NUDT7: variants seen among roughly 807,000 people sequenced by gnomAD.
The protein encoded by NUDT7 is nudix hydrolase 7, also known as peroxisomal coenzyme A diphosphatase NUDT7.
In NUDT7, 19 loss-of-function variants were observed where a neutral mutation model predicts 13.1. The observed-to-expected ratio is 1.45, with a 90% CI of 1.01 to 2.13. NUDT7 has a LOEUF of 2.13. Ranked by LOEUF, NUDT7 falls within the 30% of genes most tolerant of loss-of-function variation. NUDT7 has a pLI of 0.00. For synonymous variants in NUDT7, 132 were observed against 109.7 expected (o/e 1.20, Z -1.27); for missense variants, 360 against 291.7 (o/e 1.23, Z -1.71).
chr16:77,739,338 A>C lies in NUDT7; in HGVS notation c.349-2244A>C, dbSNP rs2014586825. On this transcript the variant is annotated intron_variant, in intron 3 of 3. Coordinates refer to ENST00000268533, the MANE Select transcript of NUDT7 (RefSeq NM_001105663.3). Reference sequence around the variant, plus strand: ...ATGCTAAACAAGGGGTGGGTTATTCATGAGTTTTCCAGGAAAGGGATGGGC... The same window carrying C: ...ATGCTAAACAAGGGGTGGGTTATTCCTGAGTTTTCCAGGAAAGGGATGGGC... Among the ~76,000 whole-genome samples the C allele has an allele frequency of 1.3e-5, 2 of 152,208 alleles. 1 individual carries two copies. Among genetic ancestry groups the C allele is most frequent in the Non-Finnish European group, 2.9e-5 (2 of 68,036 alleles).
chr16:77,741,927 A>T lies in NUDT7; in HGVS notation c.694A>T (p.Lys232Ter). ...SSEELFLKVH[K>*]KATSRL Reference sequence around the variant, plus strand: ...TGAAGAGTTATTCCTGAAGGTTCATAAAAAAGCTACAAGCAGGTTATGATT... The same window carrying T: ...TGAAGAGTTATTCCTGAAGGTTCATTAAAAAGCTACAAGCAGGTTATGATT... The change falls in exon 4 of 4, where the codon AAA becomes TAA. Residue 232 changes from lysine to a stop codon, truncating the protein, a stop_gained. Coordinates refer to ENST00000268533, the MANE Select transcript of NUDT7 (RefSeq NM_001105663.3). LOFTEE classifies it high-confidence loss of function. 6.2e-7 allele frequency: 1 copy of T among 1,603,748 alleles called. No individual in the cohort carries two copies. Among genetic ancestry groups the T allele is most frequent in the South Asian group, 1.1e-5 (1 of 89,420 alleles).
intron 3 of NUDT7, 34 bp downstream of exon 3, chr16:77,736,020 C>A: frequency 1.3e-6 from 2 of 1,599,476 alleles, no homozygotes; most frequent in Non-Finnish European, 1.7e-6. Flanking sequence ...TGAGCACCGT[C>A]CCCACCCCCA....
At chr16:77,731,047 G>C (rs2014303724) in intron 2 of NUDT7, among the ~76,000 whole-genome samples, 1 of 151,908 alleles carries the variant, frequency 6.6e-6, no homozygotes, top group African/African-American at 2.4e-5. Context: ...TCATTCTGTT[G>C]AGTGTTTCCT....
chr16:77,736,011 G>A (rs770305631), intron 3 of NUDT7, 25 bp downstream of exon 3: 8 of 1,610,942 alleles, frequency 5.0e-6, no homozygotes, highest in Admixed American at 1.7e-5. Context: ...AGACACTCAT[G>A]AGCACCGTCC....
chr16:77,727,462 G>C (rs2145106413), intron 2 of NUDT7, among the ~76,000 whole-genome samples: 1 of 152,328 alleles, frequency 6.6e-6, no homozygotes, highest in East Asian at 1.9e-4. Flanking sequence ...TAGAAATCCA[G>C]GTTCCAGGGG....
chr16:77,732,234 A>G (rs2014340215), intron 2 of NUDT7, among the ~76,000 whole-genome samples: 1 of 152,086 alleles, frequency 6.6e-6, no homozygotes, highest in African/African-American at 2.4e-5. Context: ...AGGCTGAGGC[A>G]GGAGAATCAC....
At chr16:77,734,419 C>G (rs970493275) in intron 2 of NUDT7, among the ~76,000 whole-genome samples, 1 of 152,044 alleles carries the variant, frequency 6.6e-6, no homozygotes, top group South Asian at 2.1e-4. Flanking sequence ...GTCAGAAGAT[C>G]GAGACCAGTC....
chr16:77,742,031 T>G lies in NUDT7; in HGVS notation c.*81T>G. On this transcript the variant is annotated 3_prime_UTR_variant, in exon 4 of 4. Transcript: ENST00000268533. ...GTAGAACAACAACAATGCCAGCTGT[T>G]GGAATTTGACAGGTGTGAATATTTT... The G allele has an allele frequency of 1.3e-6, 2 of 1,493,040 alleles. No homozygotes were observed. Among genetic ancestry groups the G allele is most frequent in the Non-Finnish European group, 8.8e-7 (1 of 1,130,448 alleles). 92.5% of individuals were successfully genotyped at this position (1,493,040 alleles called of 1,614,324 possible). A position where few individuals can be genotyped will look rare whatever the true frequency, so the allele number is the denominator to read the frequency against.
At chr16:77,737,728 G>A (rs1024546598) in intron 3 of NUDT7, among the ~76,000 whole-genome samples, 19 of 151,996 alleles carry the variant, frequency 1.3e-4, no homozygotes, top group Admixed American at 7.2e-4. Flanking sequence ...CTCATGATCC[G>A]CCTGCCTCAG....
chr16:77,727,460 C>T (rs11864757), intron 2 of NUDT7, among the ~76,000 whole-genome samples: 8,792 of 152,250 alleles, frequency 0.058, 883 homozygotes, highest in African/African-American at 0.2. Context: ...GATAGAAATC[C>T]AGGTTCCAGG....
intron 1 of NUDT7, among the ~76,000 whole-genome samples, chr16:77,722,961 C>G (rs928895758): frequency 2.6e-5 from 4 of 152,174 alleles, no homozygotes; most frequent in Non-Finnish European, 5.9e-5. Flanking sequence ...TTCAAGTCCC[C>G]CGGTGGCTAC....
intron 2 of NUDT7, among the ~76,000 whole-genome samples, chr16:77,734,136 T>C (rs894115158): frequency 6.8e-6 from 1 of 147,362 alleles, no homozygotes; most frequent in Non-Finnish European, 1.5e-5. Flanking sequence ...GCCAACACAA[T>C]GCTAATAGCT....
Position 77,741,027 on chromosome 16 carries a change from A to G in NUDT7, c.349-555A>G, listed in dbSNP as rs1178741064. Among the ~76,000 whole-genome samples, 3 of 152,226 alleles carry G rather than the reference A, an allele frequency of 2.0e-5. No homozygotes were observed. In the East Asian group the frequency reaches 5.8e-4, roughly 29 times the overall value. On this transcript the variant is annotated intron_variant, in intron 3 of 3. Coordinates refer to ENST00000268533, the MANE Select transcript of NUDT7 (RefSeq NM_001105663.3). Reference sequence around the variant, plus strand: ...ATGGGAATATGTCATAACTAGTATTATATCACTTTACTTTTCTGTTCATAA... The same window carrying G: ...ATGGGAATATGTCATAACTAGTATTGTATCACTTTACTTTTCTGTTCATAA...
chr16:77,736,222 G>A (rs2014480753), intron 3 of NUDT7: 1 of 453,474 alleles, frequency 2.2e-6, no homozygotes, highest in Non-Finnish European at 4.0e-6. Context: ...TCCCATCAGT[G>A]GATTTCAAAC....
At chr16:77,734,420 G>A (rs188307934) in intron 2 of NUDT7, among the ~76,000 whole-genome samples, 13 of 152,244 alleles carry the variant, frequency 8.5e-5, no homozygotes, top group African/African-American at 3.1e-4. Context: ...TCAGAAGATC[G>A]AGACCAGTCT....
chr16:77,735,513 C>A, intron 2 of NUDT7: 1 of 568,276 alleles, frequency 1.8e-6, no homozygotes, highest in Non-Finnish European at 3.1e-6. Context: ...AGACTGTGAG[C>A]CAACCAAACC....
Position 77,730,485 on chromosome 16 carries a change from G to A in NUDT7, c.189+4901G>A, listed in dbSNP as rs117505495. On this transcript the variant is annotated intron_variant, in intron 2 of 3. Transcript: ENST00000268533. The stretch of plus-strand genomic sequence containing the variant: ...TTATGACTGAATAATATTCCTCTCT[G>A]TATATACATTTTCTTCATTCACTTG... Among the ~76,000 whole-genome samples the A allele has an allele frequency of 3.6e-3, 541 of 152,082 alleles. 2 individuals are homozygous for A. The highest frequency in any genetic ancestry group is 6.8e-3 in the Middle Eastern group (2 of 294).
rs1436989470 is a variant in NUDT7, at chr16:77,725,548, A to G, written c.153A>G (p.Gly51=). 6.2e-7 allele frequency: 1 copy of G among 1,614,144 alleles called. No individual in the cohort carries two copies. The highest frequency in any genetic ancestry group is 8.5e-7 in the Non-Finnish European group (1 of 1,180,014). The change falls in exon 2 of 4, where the codon GGA becomes GGG. Residue 51 remains glycine, a synonymous_variant. Coordinates refer to ENST00000268533, the MANE Select transcript of NUDT7 (RefSeq NM_001105663.3). ...SVLLPLVAKE[G]KLHLLFTVRS... is the part of the protein sequence containing the mutation. Reference sequence around the variant, plus strand: ...TTTTGCCATTGGTGGCTAAAGAAGGAAAACTCCATTTGTTGTTCACCGTCC... The same window carrying G: ...TTTTGCCATTGGTGGCTAAAGAAGGGAAACTCCATTTGTTGTTCACCGTCC...
At chr16:77,741,390 T>C (rs2014654697) in intron 3 of NUDT7, 192 bp from the exon 4 acceptor site, 2 of 555,806 alleles carry the variant, frequency 3.6e-6, no homozygotes, top group Non-Finnish European at 6.3e-6. Context: ...AGTCATCTCA[T>C]AGATGTCACC....
Sources: allele counts gnomAD v4.1 joint callset (sites outside exome capture counted in the v4.1 genomes callset), GRCh38; gene constraint gnomAD v4.1.1; transcripts MANE v1.5; gene names NCBI Gene and HGNC (gene_info 2026-07-23, HGNC 2026-07-21).